Variants in CAMK1D observed in about 807,000 individuals in gnomAD.
CAMK1D encodes the protein calcium/calmodulin-dependent protein kinase type 1D.
In CAMK1D, 9 loss-of-function variants were observed where a neutral mutation model predicts 47.7. The ratio of observed to expected loss-of-function variants is 0.19; its 90% CI spans 0.11 to 0.33. CAMK1D has a LOEUF of 0.33. Among genes scored for constraint, CAMK1D ranks in the 10% least tolerant of loss-of-function variants. The pLI is 1.00. For missense variants in CAMK1D, 291 were observed against 488.7 expected, an observed-to-expected ratio of 0.60 and a Z score of 3.81; for synonymous variants, 184 against 184.9, an observed-to-expected ratio of 0.99 and a Z score of 0.04.
intron 2 of CAMK1D, among the ~76,000 whole-genome samples, chr10:12,612,578 C>G (rs902763613): frequency 1.3e-5 from 2 of 151,954 alleles, no homozygotes; most frequent in Non-Finnish European, 2.9e-5. Context: ...AGGATCAGAG[C>G]AAGAGTCAGT....
At chr10:12,747,468 G>A (rs1435077681) in intron 3 of CAMK1D, among the ~76,000 whole-genome samples, 1 of 152,014 alleles carries the variant, frequency 6.6e-6, no homozygotes, top group Non-Finnish European at 1.5e-5. Context: ...ACCACGCCTG[G>A]CCAATTATTT....
At chr10:12,801,341 C>CTATCT (rs796449217) in intron 6 of CAMK1D, among the ~76,000 whole-genome samples, 2 of 95,236 alleles carry the variant, frequency 2.1e-5, no homozygotes, top group Non-Finnish European at 4.0e-5. Context: ...ATCTATCTAT[C>CTATCT]TATCTATCTA....
intron 1 of CAMK1D, among the ~76,000 whole-genome samples, chr10:12,443,305 G>GGGCTA (rs1832835776): frequency 6.6e-6 from 1 of 152,324 alleles, no homozygotes; most frequent in African/African-American, 2.4e-5. Context: ...CAAACAGAGA[G>GGGCTA]GGCTAACCTA....
At chr10:12,724,477 T>C (rs1834529099) in intron 3 of CAMK1D, among the ~76,000 whole-genome samples, 2 of 152,166 alleles carry the variant, frequency 1.3e-5, no homozygotes, top group South Asian at 4.1e-4. Context: ...AGAGGTCTCA[T>C]CTGCTTTGGA....
chr10:12,751,067 A>ATAAGATAAGATAAGG, intron 3 of CAMK1D, among the ~76,000 whole-genome samples: 1 of 7,014 alleles, frequency 1.4e-4, no homozygotes, highest in Non-Finnish European at 2.5e-4. Context: ...ATAAGATAAG[A>ATAAGATAAGATAAGG]TAAGATAAGA....
At chr10:12,574,861 G>T (rs551072643) in intron 2 of CAMK1D, among the ~76,000 whole-genome samples, 1 of 152,242 alleles carries the variant, frequency 6.6e-6, no homozygotes, top group South Asian at 2.1e-4. Context: ...AGGAGCCGGA[G>T]CGTGAGTGAA....
chr10:12,710,192 CACTTA>C (rs1309149371), intron 3 of CAMK1D, among the ~76,000 whole-genome samples: 1 of 152,208 alleles, frequency 6.6e-6, no homozygotes, highest in Non-Finnish European at 1.5e-5. Flanking sequence ...GCTTCACAGA[CACTTA>C]ACTTCTTCTT....
chr10:12,761,421 T>TC (rs1421685322), intron 4 of CAMK1D, among the ~76,000 whole-genome samples: 1 of 152,086 alleles, frequency 6.6e-6, no homozygotes, highest in East Asian at 1.9e-4. Flanking sequence ...GAAACCCTCC[T>TC]CCCGGTGCAG....
chr10:12,679,070 T>A (rs962242572), intron 3 of CAMK1D, among the ~76,000 whole-genome samples: 2 of 152,202 alleles, frequency 1.3e-5, no homozygotes, highest in Non-Finnish European at 2.9e-5. Flanking sequence ...CCAATAATTT[T>A]TGACTTAAAC....
At chr10:12,354,917 C>T (rs1837463477) in intron 1 of CAMK1D, among the ~76,000 whole-genome samples, 2 of 150,618 alleles carry the variant, frequency 1.3e-5, no homozygotes, top group African/African-American at 4.9e-5. Flanking sequence ...TCATAGCTCA[C>T]TGCAGCCTCA....
intron 1 of CAMK1D, among the ~76,000 whole-genome samples, chr10:12,417,327 A>G (rs1039801802): frequency 2.6e-5 from 4 of 152,178 alleles, no homozygotes; most frequent in African/African-American, 4.8e-5. Context: ...GATTTGGGTG[A>G]TGCTCCAGGG....
At chr10:12,471,176 C>T (rs959706450) in intron 1 of CAMK1D, among the ~76,000 whole-genome samples, 1 of 152,194 alleles carries the variant, frequency 6.6e-6, no homozygotes, top group Admixed American at 6.5e-5. Flanking sequence ...TCCCCCACCC[C>T]AGCGCACATG....
At chr10:12,396,048 AT>A (rs1414373844) in intron 1 of CAMK1D, among the ~76,000 whole-genome samples, 6 of 151,882 alleles carry the variant, frequency 4.0e-5, no homozygotes, top group African/African-American at 1.5e-4. Flanking sequence ...TAATTTTTGT[AT>A]TTTTAGTAGA....
At chr10:12,517,519 C>T (rs12218957) in intron 1 of CAMK1D, among the ~76,000 whole-genome samples, 43,179 of 151,960 alleles carry the variant, frequency 0.28, 6,340 homozygotes, top group East Asian at 0.38. Flanking sequence ...TTTGTAGATC[C>T]TCTTTATCTA....
In CAMK1D at chr10:12,831,965, G is replaced by A. The variant is rs1644397; in HGVS notation, c.*3078G>A. The A allele has an allele frequency of 0.17, 26,591 of 152,154 alleles. 2,391 individuals are homozygous for A. The highest frequency in any genetic ancestry group is 0.21 in the African/African-American group (8,728 of 41,484). The allele number at this position is 152,154 out of a possible 1,614,324, so 9.4% of individuals were successfully genotyped here. A position where few individuals can be genotyped will look rare whatever the true frequency, so the allele number is the denominator to read the frequency against. On this transcript the variant is annotated 3_prime_UTR_variant, in exon 11 of 11. Coordinates refer to ENST00000619168, the MANE Select transcript of CAMK1D (RefSeq NM_153498.4). ...CCCGCACCAAGGTCAGAGTCCACCTGTAGAGGCTGAGCATTTCTACATGCA... is the reference window on the plus strand; with the variant it reads ...CCCGCACCAAGGTCAGAGTCCACCTATAGAGGCTGAGCATTTCTACATGCA...
intron 1 of CAMK1D, among the ~76,000 whole-genome samples, chr10:12,531,311 A>G (rs546075886): frequency 6.6e-6 from 1 of 152,340 alleles, no homozygotes. Context: ...TTAGGCACAC[A>G]GCAAGGCTGG....
At chr10:12,559,289 A>G (rs1836861327) in intron 2 of CAMK1D, among the ~76,000 whole-genome samples, 1 of 152,172 alleles carries the variant, frequency 6.6e-6, no homozygotes, top group African/African-American at 2.4e-5. Context: ...CTCTAAAAAA[A>G]TAAATAAAAG....
At chr10:12,474,336 A>C (rs1833838848) in intron 1 of CAMK1D, among the ~76,000 whole-genome samples, 4 of 150,960 alleles carry the variant, frequency 2.6e-5, no homozygotes, top group Non-Finnish European at 1.5e-5. Flanking sequence ...GTAGCTGAGG[A>C]GCCCACCACC....
rs1261311006 is a variant in CAMK1D at position 12,694,325 on chromosome 10, AT to A, written c.299+27516del. Among the ~76,000 whole-genome samples, 251 of 62,156 alleles carry A rather than the reference AT, an allele frequency of 4.0e-3. 16 individuals carry two copies. The highest frequency in any genetic ancestry group is 0.011 in the South Asian group (20 of 1,850). The allele number at this position is 62,156 out of a possible 152,430, so 40.8% of individuals were successfully genotyped here. Reference sequence around the variant, plus strand: ...ATATAAAATATATAAAATATAATATATAAAGTATATATAATATATAACATAT... The same window carrying A: ...ATATAAAATATATAAAATATAATATAAAAGTATATATAATATATAACATAT... On this transcript the variant is annotated intron_variant, in intron 3 of 10. Coordinates refer to ENST00000619168, the MANE Select transcript of CAMK1D (RefSeq NM_153498.4).
Sources: allele counts gnomAD v4.1 joint callset (sites outside exome capture counted in the v4.1 genomes callset), GRCh38; gene constraint gnomAD v4.1.1; transcripts MANE v1.5; gene names NCBI Gene and HGNC (gene_info 2026-07-23, HGNC 2026-07-21).